The following BNIP3L variants were observed in gnomAD, a reference collection of about 807,000 sequenced individuals.
BNIP3L encodes BCL2/adenovirus E1B 19 kDa protein-interacting protein 3-like.
In BNIP3L, 10 loss-of-function variants were observed where a neutral mutation model predicts 25.5. The observed-to-expected ratio is 0.39, with a 90% CI of 0.24 to 0.67. BNIP3L has a LOEUF of 0.67. BNIP3L is among the 30% of genes least tolerant of loss of function. BNIP3L has a pLI of 0.45. For synonymous variants in BNIP3L, 113 were observed against 101.2 expected, an observed-to-expected ratio of 1.12 and a Z score of -0.70; for missense variants, 215 against 270.9, an observed-to-expected ratio of 0.79 and a Z score of 1.45.
chr8:26,407,873 A>G lies in BNIP3L; in HGVS notation c.358-127A>G, dbSNP rs141177104. 626 of 771,772 alleles carry G rather than the reference A, an allele frequency of 8.1e-4. 3 individuals carry two copies. In the African/African-American group the frequency reaches 9.8e-3, roughly 12 times the overall value. The allele number at this position is 771,772 out of a possible 1,614,324, so 47.8% of individuals were successfully genotyped here. On this transcript the variant is annotated intron_variant, in intron 3 of 5. Transcript: ENST00000380629. The stretch of plus-strand genomic sequence containing the variant: ...TTTCAGCATTTTTTAGAAAAGCAAC[A>G]TGTTTGTTATCTAAAATTTCTGAGA...
chr8:26,407,660 G>C (rs1422698085), intron 3 of BNIP3L, among the ~76,000 whole-genome samples: 1 of 152,116 alleles, frequency 6.6e-6, no homozygotes, highest in African/African-American at 2.4e-5. Context: ...ATACAAGAGA[G>C]AATAATATAA....
chr8:26,391,610 C>G (rs571676825), intron 2 of BNIP3L, among the ~76,000 whole-genome samples, 184 bp downstream of exon 2: 3 of 152,304 alleles, frequency 2.0e-5, no homozygotes, highest in African/African-American at 7.2e-5. Flanking sequence ...TTGACAGGTG[C>G]TTCAGTGCCC....
chr8:26,393,186 A>G (rs1335309686), intron 2 of BNIP3L, among the ~76,000 whole-genome samples: 1 of 151,862 alleles, frequency 6.6e-6, no homozygotes. Context: ...ATGCGTCTCT[A>G]TATGTGAAAA....
In BNIP3L at chr8:26,402,412, A is replaced by G. The variant is rs181111873; in HGVS notation, c.358-5588A>G. On this transcript the variant is annotated intron_variant, in intron 3 of 5. Coordinates refer to ENST00000380629, the MANE Select transcript of BNIP3L (RefSeq NM_004331.3). ...GTGTACCACGGAATCCAGGAGAGAA[A>G]TCGAATTCTTTGCCGTGGTCTTTCC... Among the ~76,000 whole-genome samples the G allele has an allele frequency of 9.8e-4, 149 of 152,354 alleles. 1 individual carries two copies. The highest frequency in any genetic ancestry group is 9.1e-3 in the Admixed American group (139 of 15,304).
intron 5 of BNIP3L, 120 bp from the exon 6 acceptor site, chr8:26,410,244 C>A: frequency 9.1e-7 from 1 of 1,094,800 alleles, no homozygotes; most frequent in Non-Finnish European, 1.3e-6. Flanking sequence ...GGGAGCGGTA[C>A]CCACAAACCT....
At chr8:26,389,694 A>C (rs1806063295) in intron 1 of BNIP3L, among the ~76,000 whole-genome samples, 1 of 152,110 alleles carries the variant, frequency 6.6e-6, no homozygotes, top group South Asian at 2.1e-4. Context: ...TCGTCACAGC[A>C]CCCCGGTGTT....
chr8:26,395,511 G>T, intron 3 of BNIP3L: 2 of 529,068 alleles, frequency 3.8e-6, no homozygotes, highest in East Asian at 3.2e-5. Flanking sequence ...TAAACGAATT[G>T]GAAAATTCTT....
intron 1 of BNIP3L, among the ~76,000 whole-genome samples, chr8:26,387,858 C>A (rs1005806229): frequency 6.6e-6 from 1 of 152,120 alleles, no homozygotes; most frequent in African/African-American, 2.4e-5. Flanking sequence ...TTAGAAACAA[C>A]CATCTCAGTA....
chr8:26,390,325 T>C (rs2117468307), intron 1 of BNIP3L: 3 of 975,102 alleles, frequency 3.1e-6, no homozygotes, highest in Non-Finnish European at 3.7e-6. Context: ...ATTTTCAAGA[T>C]GTATGCAGAA....
chr8:26,383,427 C>CT, intron 1 of BNIP3L, 197 bp downstream of exon 1: 3 of 1,402,040 alleles, frequency 2.1e-6, no homozygotes, highest in Non-Finnish European at 2.8e-6. Flanking sequence ...CTGTTGCCTC[C>CT]TGGGGTCTTG....
rs1367028468 is a variant in BNIP3L, at chr8:26,412,361, A to G, written c.*1949A>G. On this transcript the variant is annotated 3_prime_UTR_variant, in exon 6 of 6. Transcript: ENST00000380629. Reference sequence around the variant, plus strand: ...GCTACAGTATGCAATTTCTATTACAATTGGTATTACAGGGGGGAAAAGTAA... The same window carrying G: ...GCTACAGTATGCAATTTCTATTACAGTTGGTATTACAGGGGGGAAAAGTAA... The G allele has an allele frequency of 6.6e-6, 1 of 152,196 alleles. No individual in the cohort carries two copies. Among genetic ancestry groups the G allele is most frequent in the Non-Finnish European group, 1.5e-5 (1 of 68,030 alleles). The allele number at this position is 152,196 out of a possible 1,614,324, so 9.4% of individuals were successfully genotyped here.
chr8:26,384,056 G>C (rs1805926285), intron 1 of BNIP3L, among the ~76,000 whole-genome samples: 1 of 152,164 alleles, frequency 6.6e-6, no homozygotes, highest in Non-Finnish European at 1.5e-5. Context: ...GGACGAGGCT[G>C]ATAGACAACC....
intron 3 of BNIP3L, among the ~76,000 whole-genome samples, chr8:26,406,265 CT>C (rs1324537038): frequency 6.6e-6 from 1 of 152,140 alleles, no homozygotes; most frequent in Non-Finnish European, 1.5e-5. Flanking sequence ...TTCCCAAAAA[CT>C]TTTGGCTAAC....
At chr8:26,403,631 G>A (rs780299414) in intron 3 of BNIP3L, among the ~76,000 whole-genome samples, 11 of 151,566 alleles carry the variant, frequency 7.3e-5, no homozygotes, top group Non-Finnish European at 1.3e-4. Flanking sequence ...TTCGATTCCC[G>A]GCTCAAGCAA....
chr8:26,403,820 A>T (rs537294263), intron 3 of BNIP3L, among the ~76,000 whole-genome samples: 1 of 152,216 alleles, frequency 6.6e-6, no homozygotes, highest in East Asian at 1.9e-4. Flanking sequence ...AATTACAGAC[A>T]TGAGTTACTA....
At chr8:26,389,299 C>G (rs1405384739) in intron 1 of BNIP3L, among the ~76,000 whole-genome samples, 1 of 152,014 alleles carries the variant, frequency 6.6e-6, no homozygotes, top group Non-Finnish European at 1.5e-5. Flanking sequence ...TATTCTCTCC[C>G]CCACCCCCTT....
At chr8:26,389,507 ATGT>A (rs1806059683) in intron 1 of BNIP3L, among the ~76,000 whole-genome samples, 1 of 152,240 alleles carries the variant, frequency 6.6e-6, no homozygotes, top group African/African-American at 2.4e-5. Flanking sequence ...GGCCATGGAG[ATGT>A]TGTACAACTG....
Position 26,383,145 on chromosome 8 carries a change from A to G in BNIP3L, c.15A>G (p.Leu5=), listed in dbSNP as rs754084180. 22 of 1,611,336 alleles carry G rather than the reference A, an allele frequency of 1.4e-5. No homozygotes were observed. The highest frequency in any genetic ancestry group is 1.6e-4 in the Middle Eastern group (1 of 6,080). ...GCTGTCCGACAATGTCGTCCCACCT[A>G]GTCGAGCCGCCGCCGCCCCTGCACA... The part of the protein sequence containing the change: MSSH[L]VEPPPPLHNN... The change falls in exon 1 of 6, where the codon CTA becomes CTG. Residue 5 remains leucine, a synonymous_variant. Transcript: ENST00000380629.
At chr8:26,390,585 A>G in intron 1 of BNIP3L, 2 of 966,270 alleles carry the variant, frequency 2.1e-6, no homozygotes, top group Non-Finnish European at 2.5e-6. Flanking sequence ...GAAGAAACTA[A>G]TCAGTGAGAT....
Sources: gnomAD v4.1 joint callset for allele counts (sites outside exome capture counted in the v4.1 genomes callset) on GRCh38, gnomAD v4.1.1 for gene constraint, MANE v1.5 for transcripts, NCBI Gene and HGNC (gene_info 2026-07-23, HGNC 2026-07-21) for gene names.